CFAP58: variants seen among roughly 807,000 people sequenced by gnomAD.
The protein encoded by CFAP58 is cilia- and flagella-associated protein 58.
CFAP58 carries 88 observed loss-of-function variants against 119.5 expected under a neutral mutation model. The observed-to-expected ratio is 0.74, with a 90% CI of 0.62 to 0.88. The LOEUF is 0.88. CFAP58 is among the 40% of genes least tolerant of loss of function. The probability of loss-of-function intolerance (pLI) is 0.00; values close to 1 mark genes in which losing one functional copy is unlikely to be tolerated. For missense variants in CFAP58, 990 were observed against 1,021.2 expected, an observed-to-expected ratio of 0.97 and a Z score of 0.42; for synonymous variants, 365 against 366.3, an observed-to-expected ratio of 1.00 and a Z score of 0.04.
intron 15 of CFAP58, among the ~76,000 whole-genome samples, chr10:104,432,090 G>GGCA (rs1589934045): frequency 6.6e-6 from 1 of 152,176 alleles, no homozygotes; most frequent in East Asian, 1.9e-4. Context: ...TACAAGTAGA[G>GGCA]GAAGTATAAT....
At chr10:104,374,846 C>CAA (rs56074829) in intron 7 of CFAP58, among the ~76,000 whole-genome samples, 102 of 101,496 alleles carry the variant, frequency 1.0e-3, no homozygotes, top group African/African-American at 3.4e-3. Context: ...CTTATAACTG[C>CAA]AAAAAAAAAA....
At chr10:104,370,524 A>G (rs1354238821) in intron 6 of CFAP58, among the ~76,000 whole-genome samples, 1 of 152,196 alleles carries the variant, frequency 6.6e-6, no homozygotes, top group African/African-American at 2.4e-5. Flanking sequence ...TCAGGAGAAT[A>G]GCATGGGAAA....
At chr10:104,366,993 G>A (rs1052878924) in intron 5 of CFAP58, among the ~76,000 whole-genome samples, 4 of 151,826 alleles carry the variant, frequency 2.6e-5, no homozygotes, top group African/African-American at 4.8e-5. Context: ...TCAGTCTCCC[G>A]AGTAACTGGA....
At chr10:104,380,727 A>G (rs905651014) in intron 9 of CFAP58, among the ~76,000 whole-genome samples, 22 of 152,278 alleles carry the variant, frequency 1.4e-4, no homozygotes, top group African/African-American at 5.3e-4. Flanking sequence ...TTCTAAAACG[A>G]TTATGAACTC....
Position 104,366,089 on chromosome 10 carries a change from T to C in CFAP58, c.792+81T>C, listed in dbSNP as rs1006080488. On this transcript the variant is annotated intron_variant, in intron 5 of 17. Transcript: ENST00000369704. ...TATTCACCCTTTTGTGCATTTTGAATTCTCTTGGAAAGCAGCAAATTCCCT... is the reference window on the plus strand; with the variant it reads ...TATTCACCCTTTTGTGCATTTTGAACTCTCTTGGAAAGCAGCAAATTCCCT... The C allele has an allele frequency of 2.6e-5, 33 of 1,277,374 alleles. 1 individual carries two copies. The highest frequency in any genetic ancestry group is 3.0e-5 in the Non-Finnish European group (29 of 955,538). The allele number at this position is 1,277,374 out of a possible 1,614,324, so 79.1% of individuals were successfully genotyped here.
intron 15 of CFAP58, among the ~76,000 whole-genome samples, chr10:104,408,604 GA>G (rs1589925629): frequency 1.3e-5 from 2 of 152,112 alleles, no homozygotes; most frequent in African/African-American, 4.8e-5. Context: ...GTTTTAAAAA[GA>G]ACCAAATCTT....
At chr10:104,421,777 T>TA (rs960806247) in intron 15 of CFAP58, among the ~76,000 whole-genome samples, 1 of 152,256 alleles carries the variant, frequency 6.6e-6, no homozygotes, top group African/African-American at 2.4e-5. Context: ...GTAATAGTAG[T>TA]GCCTATCACA....
chr10:104,384,258 C>T (rs565109969), intron 9 of CFAP58, among the ~76,000 whole-genome samples: 2 of 152,292 alleles, frequency 1.3e-5, no homozygotes, highest in African/African-American at 2.4e-5. Context: ...TAATTTGGCT[C>T]CTCCAATATC....
Position 104,406,720 on chromosome 10 carries a change from A to G in CFAP58, c.2183A>G (p.Gln728Arg). Residue 728 changes from glutamine to arginine, a missense_variant, in exon 15 of 18, where the codon CAG (glutamine) becomes CGG (arginine). Coordinates refer to ENST00000369704, the MANE Select transcript of CFAP58 (RefSeq NM_001008723.2). ...GACCCCAATGCATATGAGCTGATAC[A>G]GAAAATTCACACCCTGCAGAAGCGT... ...ASDPNAYELI[Q>R]KIHTLQKRLI... 1 of 1,614,222 alleles carries G rather than the reference A, an allele frequency of 6.2e-7. No individual in the cohort carries two copies. Among genetic ancestry groups the G allele is most frequent in the Non-Finnish European group, 8.5e-7 (1 of 1,180,034 alleles).
upstream of CFAP58, among the ~76,000 whole-genome samples, chr10:104,349,485 G>C (rs1046411037): frequency 6.6e-6 from 1 of 152,146 alleles, no homozygotes; most frequent in Non-Finnish European, 1.5e-5. Context: ...AAGGATACCA[G>C]TCTGATCGGC....
chr10:104,401,575 T>C (rs1190547915), intron 13 of CFAP58, among the ~76,000 whole-genome samples: 1 of 152,206 alleles, frequency 6.6e-6, no homozygotes, highest in Non-Finnish European at 1.5e-5. Context: ...ATTTTCTCAG[T>C]AGCTATCCTT....
rs913792057 is a variant in CFAP58 at position 104,450,073 on chromosome 10, T to G, written c.2379T>G (p.Val793=). 1.9e-6 allele frequency: 3 copies of G among 1,591,364 alleles called. No individual in the cohort carries two copies. Among genetic ancestry groups the G allele is most frequent in the Non-Finnish European group, 2.6e-6 (3 of 1,173,388 alleles). The change falls in exon 17 of 18, where the codon GTT becomes GTG. Residue 793 remains valine (V), a splice_region_variant and synonymous_variant. Transcript: ENST00000369704. The stretch of plus-strand genomic sequence containing the variant: ...TGCTGCTTTATTTGCCATGTTAGGT[T>G]TTGTCTTCAGAATTGAATATGTATG... ...TLHDKKQQLK[V]LSSELNMYEV... is the part of the protein sequence containing the mutation.
chr10:104,438,326 G>GTTTTTTTT (rs201531910), intron 15 of CFAP58, among the ~76,000 whole-genome samples: 41 of 125,362 alleles, frequency 3.3e-4, no homozygotes, highest in African/African-American at 1.2e-3. Context: ...AATTTTTATT[G>GTTTTTTTT]TTTTTTTGTT....
rs767622430 is a variant in CFAP58 at position 104,380,085 on chromosome 10, T to C, written c.1230T>C (p.His410=). 3.7e-5 allele frequency: 59 copies of C among 1,613,934 alleles called. No individual in the cohort carries two copies. The highest frequency in any genetic ancestry group is 4.7e-5 in the Non-Finnish European group (55 of 1,179,992). Residue 410 remains histidine (H), a synonymous_variant, in exon 9 of 18, where the codon CAT becomes CAC. Transcript: ENST00000369704. Reference sequence around the variant, plus strand: ...AGCAGACAGACTTGGTAAAGCTCCATGAACAAGCCAAGAGGAACCTGGAGG... The same window carrying C: ...AGCAGACAGACTTGGTAAAGCTCCACGAACAAGCCAAGAGGAACCTGGAGG... ...TQKQTDLVKL[H]EQAKRNLEGE...
upstream of CFAP58, chr10:104,353,209 G>A (rs1266525272): frequency 6.6e-6 from 1 of 152,234 alleles, no homozygotes; most frequent in Non-Finnish European, 1.5e-5. Context: ...TTTTCGCGAT[G>A]TGGCGCTACA....
At chr10:104,409,402 G>C (rs1410739373) in intron 15 of CFAP58, among the ~76,000 whole-genome samples, 1 of 152,076 alleles carries the variant, frequency 6.6e-6, no homozygotes, top group Non-Finnish European at 1.5e-5. Context: ...CTTGATTTGT[G>C]ACCAACTAAG....
At position 104,376,838 on chromosome 10, in the gene CFAP58, A is replaced by C; in HGVS notation, c.1118A>C (p.Glu373Ala). The C allele has an allele frequency of 2.5e-6, 4 of 1,613,752 alleles. No homozygotes were observed. Among genetic ancestry groups the C allele is most frequent in the Non-Finnish European group, 3.4e-6 (4 of 1,179,866 alleles). The change falls in exon 8 of 18, where the codon GAA (glutamate) becomes GCA (alanine). Residue 373 changes from glutamate to alanine, a missense_variant. Coordinates refer to ENST00000369704, the MANE Select transcript of CFAP58 (RefSeq NM_001008723.2). ...GTAGAGGCTTCAAAGAAACAAGCAG[A>C]ACTTGACAGAAAGGCAATGGACGAG... Reference protein sequence around the residue: ...REVEASKKQAELDRKAMDELL... With the variant: ...REVEASKKQAALDRKAMDELL...
Position 104,430,281 on chromosome 10 carries a change from G to A in CFAP58, c.2257-17417G>A, listed in dbSNP as rs866068495. ...GTGTCAATGGGGCTATACTAGAATC[G>A]TCACTTTCCAGTCAAGAGTAGACAG... is the stretch of plus-strand genomic sequence containing the variant. On this transcript the variant is annotated intron_variant, in intron 15 of 17. Coordinates refer to ENST00000369704, the MANE Select transcript of CFAP58 (RefSeq NM_001008723.2). Among the ~76,000 whole-genome samples the A allele has an allele frequency of 4.6e-5, 7 of 152,262 alleles. No homozygotes were observed. In the South Asian group the frequency reaches 1.2e-3, roughly 27 times the overall value.
intron 11 of CFAP58, among the ~76,000 whole-genome samples, chr10:104,399,052 T>C (rs1306196327): frequency 6.6e-6 from 1 of 152,108 alleles, no homozygotes; most frequent in Non-Finnish European, 1.5e-5. Context: ...TGGTAAGAGA[T>C]GAAGTGCTGC....
Sources: gnomAD v4.1 joint callset for allele counts (sites outside exome capture counted in the v4.1 genomes callset) on GRCh38, gnomAD v4.1.1 for gene constraint, MANE v1.5 for transcripts, NCBI Gene and HGNC (gene_info 2026-07-23, HGNC 2026-07-21) for gene names.